DENND1B: variants seen among roughly 807,000 people sequenced by gnomAD.
The protein encoded by DENND1B is DENN domain-containing protein 1B.
Under a neutral mutation model 90.1 loss-of-function variants are expected in DENND1B, and 59 were observed. That is an observed-to-expected ratio of 0.65 (90% CI 0.53 to 0.81). The LOEUF is 0.81. Among genes scored for constraint, DENND1B ranks in the 40% least tolerant of loss-of-function variants. DENND1B has a pLI of 0.00. For missense variants in DENND1B, 862 were observed against 912.6 expected (o/e 0.94, Z 0.71); for synonymous variants, 337 against 324.6 (o/e 1.04, Z -0.41).
At chr1:197,729,848 A>C (rs1661992494) in intron 2 of DENND1B, among the ~76,000 whole-genome samples, 1 of 152,128 alleles carries the variant, frequency 6.6e-6, no homozygotes, top group African/African-American at 2.4e-5. Flanking sequence ...AAAATTAGTA[A>C]AGCACAAAAA....
intron 20 of DENND1B, among the ~76,000 whole-genome samples, chr1:197,534,253 T>C (rs554874928): frequency 1.3e-5 from 2 of 152,224 alleles, no homozygotes; most frequent in Non-Finnish European, 2.9e-5. Context: ...TTTCCACTTG[T>C]ACCTGTTTTC....
intron 13 of DENND1B, among the ~76,000 whole-genome samples, chr1:197,599,584 T>C (rs910814387): frequency 1.3e-5 from 2 of 151,844 alleles, no homozygotes; most frequent in East Asian, 3.9e-4. Context: ...TTGAAAACTT[T>C]TATTCTCCCT....
At chr1:197,545,176 G>A (rs528802116) in intron 18 of DENND1B, among the ~76,000 whole-genome samples, 5 of 152,012 alleles carry the variant, frequency 3.3e-5, no homozygotes, top group East Asian at 3.9e-4. Flanking sequence ...AGGCCAAGGC[G>A]GGCAGATCAC....
rs143073546 is a variant in DENND1B at position 197,561,966 on chromosome 1, TTC to T, written c.1150-8856_1150-8855del. Among the ~76,000 whole-genome samples, 895 of 151,950 alleles carry T rather than the reference TTC, an allele frequency of 5.9e-3. 13 individuals carry two copies. The highest frequency in any genetic ancestry group is 0.02 in the African/African-American group (837 of 41,510). On this transcript the variant is annotated intron_variant, in intron 15 of 22. Transcript: ENST00000620048. The stretch of plus-strand genomic sequence containing the variant: ...ACAGCAATAGTTTTCTAAATCTTCT[TTC>T]TCTCTGTTTCCACTTTTGGCCACCC...
In DENND1B at chr1:197,583,267, A is replaced by T. The variant is rs1315522161; in HGVS notation, c.1048-14T>A. 6.2e-7 allele frequency: 1 copy of T among 1,611,734 alleles called. No individual in the cohort carries two copies. The highest frequency in any genetic ancestry group is 8.5e-7 in the Non-Finnish European group (1 of 1,178,120). ...GATGGGCTCACCCTAGATAGAAATA[A>T]AGATTTTAAGGGCATCAATAAAAGG... On this transcript the variant is annotated splice_polypyrimidine_tract_variant and intron_variant, in intron 14 of 22. Coordinates refer to ENST00000620048, the MANE Select transcript of DENND1B (RefSeq NM_001195215.2).
chr1:197,571,639 A>T (rs981378820), intron 15 of DENND1B, among the ~76,000 whole-genome samples: 7 of 152,164 alleles, frequency 4.6e-5, no homozygotes, highest in African/African-American at 1.7e-4. Flanking sequence ...TTTGTTTGTT[A>T]ACCCATTTCC....
Position 197,618,531 on chromosome 1 carries a change from G to C in DENND1B, c.673-772C>G, listed in dbSNP as rs188500308. On this transcript the variant is annotated intron_variant, in intron 10 of 22. Coordinates refer to ENST00000620048, the MANE Select transcript of DENND1B (RefSeq NM_001195215.2). ...TTTAATTGTTTTGTTTTGGTAAGCA[G>C]TTAATTAAACATTTTTTAGTACTTA... 4.4e-3 allele frequency among the ~76,000 whole-genome samples: 669 copies of C among 151,176 alleles called. 10 individuals are homozygous for C. Among genetic ancestry groups the C allele is most frequent in the African/African-American group, 0.015 (626 of 41,374 alleles).
At chr1:197,780,519 T>C (rs904232230), upstream of DENND1B, among the ~76,000 whole-genome samples, 3 of 151,820 alleles carry the variant, frequency 2.0e-5, no homozygotes, top group African/African-American at 7.3e-5. Flanking sequence ...AGAGGCAGGG[T>C]TTCACCATGT....
rs1343546730 is a variant in DENND1B, at chr1:197,751,873, G to T, written c.82+20995C>A. On this transcript the variant is annotated intron_variant, in intron 2 of 22. Coordinates refer to ENST00000620048, the MANE Select transcript of DENND1B (RefSeq NM_001195215.2). The stretch of plus-strand genomic sequence containing the variant: ...AGGGAAGGGAAGGCAGGGGAAGAAG[G>T]AGGAGGAGGAGGAGGGAGGAGGAGG... 2.1e-5 allele frequency among the ~76,000 whole-genome samples: 3 copies of T among 145,606 alleles called. No individual in the cohort carries two copies. The East Asian group carries it at 6.3e-4, about 30-fold the overall frequency.
rs534745816 is a variant in DENND1B, at chr1:197,640,484, A to C, written c.672+2227T>G. 2.6e-5 allele frequency among the ~76,000 whole-genome samples: 4 copies of C among 151,836 alleles called. No homozygotes were observed. In the East Asian group the frequency reaches 7.8e-4, roughly 29 times the overall value. ...TGAGACTCTGTCTCAAAAAAAAAAA[A>C]AAATTAAATATAAACTATTATAAAA... On this transcript the variant is annotated intron_variant, in intron 10 of 22. Coordinates refer to ENST00000620048, the MANE Select transcript of DENND1B (RefSeq NM_001195215.2).
intron 3 of DENND1B, among the ~76,000 whole-genome samples, chr1:197,705,648 T>TAAAA (rs35856931): frequency 7.1e-6 from 1 of 140,876 alleles, no homozygotes. Flanking sequence ...GGTAGAAATT[T>TAAAA]AAAAAAAAAA....
In DENND1B at chr1:197,653,284, C is replaced by T. The variant is rs529285982; in HGVS notation, c.367-969G>A. 1.2e-4 allele frequency among the ~76,000 whole-genome samples: 18 copies of T among 152,182 alleles called. No individual in the cohort carries two copies. In the South Asian group the frequency reaches 3.7e-3, roughly 32 times the overall value. On this transcript the variant is annotated intron_variant, in intron 6 of 22. Transcript: ENST00000620048. Reference sequence around the variant, plus strand: ...GAATACTGTAGATAATACCATTCCCCTTTGTAAAAGAGGCTCATATGGTTG... The same window carrying T: ...GAATACTGTAGATAATACCATTCCCTTTTGTAAAAGAGGCTCATATGGTTG...
At chr1:197,548,194 T>C (rs1558226670) in intron 16 of DENND1B, among the ~76,000 whole-genome samples, 1 of 152,210 alleles carries the variant, frequency 6.6e-6, no homozygotes, top group Non-Finnish European at 1.5e-5. Context: ...AAAAAGCTAA[T>C]TTTCAGCTCT....
chr1:197,690,813 T>C (rs1053165497), intron 3 of DENND1B, among the ~76,000 whole-genome samples: 1 of 152,066 alleles, frequency 6.6e-6, no homozygotes, highest in Non-Finnish European at 1.5e-5. Flanking sequence ...TTGGGTTTTT[T>C]TTGTGTGAGA....
At chr1:197,707,844 A>G (rs1445584489) in intron 3 of DENND1B, among the ~76,000 whole-genome samples, 1 of 147,626 alleles carries the variant, frequency 6.8e-6, no homozygotes, top group African/African-American at 2.5e-5. Flanking sequence ...GGAGTGCCAG[A>G]CAGTGGGCGC....
At position 197,506,023 on chromosome 1, in the gene DENND1B, TAAAC is replaced by T. The variant is rs990265399; in HGVS notation, c.*4433_*4436del. The T allele has an allele frequency of 1.3e-5, 2 of 151,594 alleles. No individual in the cohort carries two copies. Among genetic ancestry groups the T allele is most frequent in the Admixed American group, 6.6e-5 (1 of 15,190 alleles). 9.4% of individuals were successfully genotyped at this position (151,594 alleles called of 1,614,324 possible). ...ACACAATATCCATAATAATTTTAAA[TAAAC>T]AAAAACATTTCTCCTGGCAACAATA... is the stretch of plus-strand genomic sequence containing the variant. On this transcript the variant is annotated 3_prime_UTR_variant, in exon 23 of 23. Coordinates refer to ENST00000620048, the MANE Select transcript of DENND1B (RefSeq NM_001195215.2).
At chr1:197,543,351 T>C (rs1280171496) in intron 18 of DENND1B, among the ~76,000 whole-genome samples, 1 of 152,212 alleles carries the variant, frequency 6.6e-6, no homozygotes, top group Non-Finnish European at 1.5e-5. Context: ...GTTTTGAACA[T>C]GTTTGCTTCA....
intron 14 of DENND1B, among the ~76,000 whole-genome samples, chr1:197,585,825 T>G (rs1048201881): frequency 1.3e-5 from 2 of 152,218 alleles, no homozygotes; most frequent in African/African-American, 4.8e-5. Context: ...TCAATTACTG[T>G]CATCCTTAAG....
intron 20 of DENND1B, among the ~76,000 whole-genome samples, chr1:197,528,631 C>T (rs570713633): frequency 1.1e-3 from 174 of 152,166 alleles, no homozygotes; most frequent in Non-Finnish European, 2.1e-3. Context: ...GAGGCCGAGG[C>T]GGGCGGATCA....
Sources: gnomAD v4.1 joint callset for allele counts (sites outside exome capture counted in the v4.1 genomes callset) on GRCh38, gnomAD v4.1.1 for gene constraint, MANE v1.5 for transcripts, NCBI Gene and HGNC (gene_info 2026-07-23, HGNC 2026-07-21) for gene names.